Variants in APBB2 observed in about 807,000 individuals in gnomAD.
APBB2 encodes the protein Fe65-like 1.
A neutral mutation model predicts 82.5 loss-of-function variants in APBB2; 38 were observed. The observed-to-expected ratio is 0.46, with a 90% CI of 0.36 to 0.60. The LOEUF (loss-of-function observed/expected upper bound fraction) is 0.60. Ranked by LOEUF, APBB2 falls within the 20% of genes least tolerant of loss-of-function variation. The pLI is 0.00. For synonymous variants in APBB2, 341 were observed against 368.2 expected, an observed-to-expected ratio of 0.93 and a Z score of 0.85; for missense variants, 772 against 972.3, an observed-to-expected ratio of 0.79 and a Z score of 2.74.
Position 40,965,322 on chromosome 4 carries a change from A to G in APBB2, c.836-20249T>C, listed in dbSNP as rs143248951. On this transcript the variant is annotated intron_variant, in intron 6 of 17. Transcript: ENST00000508593. ...AAGTCCAAAACAAACTTGCATTTTT[A>G]GATTTATATATTTCCTTAACTGTAA... Among the ~76,000 whole-genome samples, 9 of 152,330 alleles carry G rather than the reference A, an allele frequency of 5.9e-5. No individual in the cohort carries two copies. In the East Asian group the frequency reaches 1.7e-3, roughly 29 times the overall value.
chr4:41,085,250 C>CAA lies in APBB2; in HGVS notation c.-149+15387_-149+15388dup, dbSNP rs71198629. ...TGGGTGACAGAGTGAGACTCTGTCT[C>CAA]AAAAAAAAAAAAAAAAAAAGACTGA... On this transcript the variant is annotated intron_variant, in intron 3 of 17. Transcript: ENST00000508593. 1.1e-3 allele frequency among the ~76,000 whole-genome samples: 71 copies of CAA among 66,070 alleles called. 1 individual carries two copies. Among genetic ancestry groups the CAA allele is most frequent in the South Asian group, 1.7e-3 (3 of 1,818 alleles). The allele number at this position is 66,070 out of a possible 152,430, so 43.3% of individuals were successfully genotyped here. A position where few individuals can be genotyped will look rare whatever the true frequency, so the allele number is the denominator to read the frequency against.
chr4:40,956,004 C>A (rs376446329), intron 6 of APBB2, among the ~76,000 whole-genome samples: 1 of 152,174 alleles, frequency 6.6e-6, no homozygotes, highest in South Asian at 2.1e-4. Context: ...GAACTCCCGA[C>A]GTCATGTGAT....
intron 12 of APBB2, among the ~76,000 whole-genome samples, chr4:40,855,098 C>A (rs977122349): frequency 1.4e-4 from 21 of 152,190 alleles, no homozygotes; most frequent in African/African-American, 4.8e-4. Context: ...CCTGAGGCCC[C>A]TCGTTGTTTG....
intron 6 of APBB2, among the ~76,000 whole-genome samples, chr4:40,991,010 CATTTTT>C (rs1801895543): frequency 7.8e-6 from 1 of 128,652 alleles, no homozygotes; most frequent in Non-Finnish European, 1.6e-5. Context: ...GACTGAGTTT[CATTTTT>C]TTTTTTTTTG....
rs1450636709 is a variant in APBB2 at position 40,811,532 on chromosome 4, T to C, written c.*4560A>G. The C allele has an allele frequency of 6.9e-5, 2 of 29,082 alleles. No homozygotes were observed. The highest frequency in any genetic ancestry group is 1.4e-4 in the African/African-American group (1 of 7,114). 1.8% of individuals were successfully genotyped at this position (29,082 alleles called of 1,614,324 possible). ...ACACCACTGCACTCCAGAGTAAGAC[T>C]CCTCTGTCTGAAGAAAAAAAAAAAA... On this transcript the variant is annotated 3_prime_UTR_variant, in exon 18 of 18. Coordinates refer to ENST00000508593, the MANE Select transcript of APBB2 (RefSeq NM_004307.2).
intron 10 of APBB2, among the ~76,000 whole-genome samples, chr4:40,902,111 T>A (rs1232055201): frequency 6.6e-6 from 1 of 152,190 alleles, no homozygotes; most frequent in Non-Finnish European, 1.5e-5. Context: ...GTTGTTTTGC[T>A]ATAATGTTGA....
At position 41,013,806 on chromosome 4, in the gene APBB2, G is replaced by A. The variant is rs2292234; in HGVS notation, c.612C>T (p.Gly204=). 503,581 of 1,613,942 alleles carry A rather than the reference G, an allele frequency of 0.31. 83,468 individuals carry two copies. Among genetic ancestry groups the A allele is most frequent in the East Asian group, 0.56 (25,100 of 44,864 alleles). ...TGTTTGGTTTCTGCAGCAGCAAATCGCCATTCCCAATGATGGTGGAGGCCT... is the reference window on the plus strand; with the variant it reads ...TGTTTGGTTTCTGCAGCAGCAAATCACCATTCCCAATGATGGTGGAGGCCT... The part of the protein sequence containing the change: ...QGQASTIIGN[G]DLLLQKPNRP... The change falls in exon 6 of 18, where the codon GGC becomes GGT. Residue 204 remains glycine, a synonymous_variant. Transcript: ENST00000508593.
intron 12 of APBB2, among the ~76,000 whole-genome samples, chr4:40,863,291 T>C (rs1178583873): frequency 2.6e-5 from 4 of 152,220 alleles, no homozygotes; most frequent in African/African-American, 9.6e-5. Context: ...CTGAGGGTCA[T>C]ATCACAACAA....
At chr4:41,047,803 C>T (rs1723990283) in intron 4 of APBB2, among the ~76,000 whole-genome samples, 1 of 152,212 alleles carries the variant, frequency 6.6e-6, no homozygotes, top group Non-Finnish European at 1.5e-5. Context: ...TTATCTATCT[C>T]TGATCTGATG....
chr4:41,128,683 G>C (rs1477429111), intron 2 of APBB2, among the ~76,000 whole-genome samples: 3 of 152,166 alleles, frequency 2.0e-5, no homozygotes, highest in African/African-American at 7.2e-5. Flanking sequence ...ATATACAGCA[G>C]TGAACAAACC....
intron 10 of APBB2, among the ~76,000 whole-genome samples, chr4:40,919,032 T>C (rs1035402741): frequency 6.6e-6 from 1 of 152,024 alleles, no homozygotes; most frequent in Admixed American, 6.6e-5. Flanking sequence ...CCTCTGGAGG[T>C]TGAGAACAGA....
intron 1 of APBB2, among the ~76,000 whole-genome samples, chr4:41,165,872 CTTT>C (rs148637668): frequency 1.7e-5 from 2 of 116,488 alleles, no homozygotes; most frequent in Non-Finnish European, 3.3e-5. Flanking sequence ...GTCAGGCCCC[CTTT>C]TTTTTTTTTT....
intron 2 of APBB2, among the ~76,000 whole-genome samples, chr4:41,105,656 G>A (rs1044362602): frequency 5.3e-5 from 8 of 152,188 alleles, no homozygotes; most frequent in African/African-American, 9.6e-5. Context: ...AGGCCAAGGC[G>A]GGCAGATCAC....
At chr4:41,119,550 AT>A (rs919789155) in intron 2 of APBB2, among the ~76,000 whole-genome samples, 30 of 149,470 alleles carry the variant, frequency 2.0e-4, no homozygotes, top group African/African-American at 6.6e-4. Flanking sequence ...AAAGTTGGCA[AT>A]TTTTTTTTCC....
chr4:40,925,974 CATCT>C (rs1202822136), intron 10 of APBB2, among the ~76,000 whole-genome samples: 2 of 152,120 alleles, frequency 1.3e-5, no homozygotes, highest in Non-Finnish European at 2.9e-5. Context: ...TCTTCCTCTC[CATCT>C]GAGGTAAGTT....
intron 1 of APBB2, chr4:41,194,245 C>T: frequency 6.6e-6 from 1 of 152,226 alleles, no homozygotes; most frequent in African/African-American, 2.4e-5. Flanking sequence ...CTGCTTGAAC[C>T]CAGGAGTTCA....
At chr4:40,928,965 T>C (rs1783410123) in intron 10 of APBB2, among the ~76,000 whole-genome samples, 1 of 148,762 alleles carries the variant, frequency 6.7e-6, no homozygotes, top group Non-Finnish European at 1.5e-5. Flanking sequence ...CATCCTAGAT[T>C]AGATCCTGGA....
intron 3 of APBB2, among the ~76,000 whole-genome samples, chr4:41,082,296 C>T (rs571239079): frequency 6.6e-6 from 1 of 152,286 alleles, no homozygotes; most frequent in Non-Finnish European, 1.5e-5. Context: ...CATCCCTCAT[C>T]ACACAGTACT....
intron 7 of APBB2, among the ~76,000 whole-genome samples, chr4:40,940,033 G>C (rs181002285): frequency 6.6e-6 from 1 of 152,158 alleles, no homozygotes; most frequent in African/African-American, 2.4e-5. Context: ...CTATGCAGCT[G>C]ATTTATTTTT....
Sources: allele counts gnomAD v4.1 joint callset (sites outside exome capture counted in the v4.1 genomes callset), GRCh38; gene constraint gnomAD v4.1.1; transcripts MANE v1.5; gene names NCBI Gene and HGNC (gene_info 2026-07-23, HGNC 2026-07-21).